Variants in MACROD2 observed in about 807,000 individuals in gnomAD.
MACROD2 encodes the protein mono-ADP ribosylhydrolase 2, also known as ADP-ribose glycohydrolase MACROD2.
A neutral mutation model predicts 70.4 loss-of-function variants in MACROD2; 36 were observed. That is an observed-to-expected ratio of 0.51 (90% CI 0.39 to 0.68). The LOEUF is 0.68. Among genes scored for constraint, MACROD2 ranks in the 30% least tolerant of loss-of-function variants. The pLI is 0.00. For synonymous variants in MACROD2, 172 were observed against 178.8 expected, an observed-to-expected ratio of 0.96 and a Z score of 0.30; for missense variants, 496 against 538.4, an observed-to-expected ratio of 0.92 and a Z score of 0.78.
intron 8 of MACROD2, among the ~76,000 whole-genome samples, chr20:15,640,058 AGG>A (rs147854773): frequency 0.049 from 7,404 of 150,414 alleles, 623 homozygotes; most frequent in African/African-American, 0.17. Flanking sequence ...GAAGAGAGAA[AGG>A]GGGCGTGAGA....
At chr20:14,372,247 T>C (rs572746904) in intron 3 of MACROD2, among the ~76,000 whole-genome samples, 33 of 152,230 alleles carry the variant, frequency 2.2e-4, no homozygotes, top group African/African-American at 7.5e-4. Flanking sequence ...AAAAAACATT[T>C]ATTTATTATA....
intron 5 of MACROD2, among the ~76,000 whole-genome samples, chr20:14,837,083 C>T (rs2073037997): frequency 6.6e-6 from 1 of 151,988 alleles, no homozygotes; most frequent in African/African-American, 2.4e-5. Context: ...TTTCTCTCTT[C>T]ACTCTTGAGC....
chr20:14,226,442 T>C (rs986881487), intron 3 of MACROD2, among the ~76,000 whole-genome samples: 1 of 152,170 alleles, frequency 6.6e-6, no homozygotes, highest in Non-Finnish European at 1.5e-5. Context: ...ACCGCTGCAC[T>C]GTGTGAGCCC....
At chr20:14,943,496 C>T (rs1384935511) in intron 5 of MACROD2, among the ~76,000 whole-genome samples, 1 of 151,854 alleles carries the variant, frequency 6.6e-6, no homozygotes, top group African/African-American at 2.4e-5. Context: ...TTAATTGTCT[C>T]ATAATAATGG....
chr20:14,886,299 G>A (rs1386520141), intron 5 of MACROD2, among the ~76,000 whole-genome samples: 1 of 152,176 alleles, frequency 6.6e-6, no homozygotes, highest in Non-Finnish European at 1.5e-5. Flanking sequence ...TGTTTAAGGC[G>A]TGGAAGGGCC....
chr20:14,468,647 G>C (rs1481155000), intron 3 of MACROD2, among the ~76,000 whole-genome samples: 4 of 151,944 alleles, frequency 2.6e-5, no homozygotes, highest in Admixed American at 2.6e-4. Flanking sequence ...GAGTAGCTGA[G>C]ATTACAGGCA....
chr20:14,573,683 T>G (rs1467377081), intron 4 of MACROD2, among the ~76,000 whole-genome samples: 3 of 152,204 alleles, frequency 2.0e-5, no homozygotes, highest in African/African-American at 7.2e-5. Context: ...AGTGCTATAC[T>G]GCCATCTTTT....
chr20:15,161,523 T>A (rs2076348421), intron 5 of MACROD2, among the ~76,000 whole-genome samples: 1 of 151,930 alleles, frequency 6.6e-6, no homozygotes, highest in Non-Finnish European at 1.5e-5. Context: ...TTGTACATAC[T>A]GCCCATTCTA....
chr20:15,490,182 C>T (rs975644561), intron 7 of MACROD2, among the ~76,000 whole-genome samples: 4 of 150,692 alleles, frequency 2.7e-5, no homozygotes, highest in African/African-American at 9.8e-5. Context: ...TTCCTTCCTT[C>T]CTTCCTTTCT....
chr20:15,170,386 C>A (rs2076414653), intron 5 of MACROD2, among the ~76,000 whole-genome samples: 1 of 152,178 alleles, frequency 6.6e-6, no homozygotes, highest in South Asian at 2.1e-4. Flanking sequence ...ACCTACCCTT[C>A]TGAAGCACTG....
chr20:14,913,556 A>C (rs923696367), intron 5 of MACROD2, among the ~76,000 whole-genome samples: 2 of 152,080 alleles, frequency 1.3e-5, no homozygotes, highest in Non-Finnish European at 2.9e-5. Context: ...GTGTGGTGAC[A>C]CATGCCTGTA....
chr20:14,954,167 A>G (rs1266448204), intron 5 of MACROD2, among the ~76,000 whole-genome samples: 5 of 152,082 alleles, frequency 3.3e-5, no homozygotes, highest in African/African-American at 1.2e-4. Context: ...AGCTTTCTAA[A>G]TGAAAATCAA....
At chr20:15,468,055 C>A (rs1221997984) in intron 7 of MACROD2, among the ~76,000 whole-genome samples, 1 of 152,146 alleles carries the variant, frequency 6.6e-6, no homozygotes, top group Admixed American at 6.5e-5. Context: ...GACCTTTACT[C>A]TTTAGATGGC....
intron 7 of MACROD2, among the ~76,000 whole-genome samples, chr20:15,487,709 T>A (rs2047179961): frequency 6.6e-6 from 1 of 152,104 alleles, no homozygotes; most frequent in Admixed American, 6.6e-5. Flanking sequence ...AAGGAAAGAT[T>A]CTCCATGCCA....
chr20:15,880,953 C>T (rs1041966424), intron 9 of MACROD2, among the ~76,000 whole-genome samples: 5 of 152,094 alleles, frequency 3.3e-5, no homozygotes, highest in African/African-American at 1.2e-4. Flanking sequence ...TAGACCTTCT[C>T]TCTGACTGAG....
chr20:15,895,610 C>T (rs540131462), intron 10 of MACROD2, among the ~76,000 whole-genome samples: 1 of 152,280 alleles, frequency 6.6e-6, no homozygotes, highest in Non-Finnish European at 1.5e-5. Flanking sequence ...TGGGGTTTTC[C>T]TGGGGGCTTT....
chr20:15,728,220 A>G (rs1401882737), intron 8 of MACROD2, among the ~76,000 whole-genome samples: 1 of 79,714 alleles, frequency 1.3e-5, no homozygotes, highest in African/African-American at 3.1e-5. Context: ...TTTGTGGATG[A>G]TGAACCAACC....
chr20:15,529,515 T>C (rs1341296440), intron 8 of MACROD2, among the ~76,000 whole-genome samples: 1 of 152,008 alleles, frequency 6.6e-6, no homozygotes, highest in African/African-American at 2.4e-5. Context: ...TTTAGAAGGG[T>C]AGGAAATAAC....
intron 5 of MACROD2, among the ~76,000 whole-genome samples, chr20:14,786,921 T>A (rs1046902867): frequency 5.9e-5 from 9 of 152,076 alleles, no homozygotes; most frequent in African/African-American, 1.9e-4. Context: ...ATAGGAGTGG[T>A]AACATGCCTG....
Sources: gnomAD v4.1 joint callset for allele counts (sites outside exome capture counted in the v4.1 genomes callset) on GRCh38, gnomAD v4.1.1 for gene constraint, MANE v1.5 for transcripts, NCBI Gene and HGNC (gene_info 2026-07-23, HGNC 2026-07-21) for gene names.